Variants in EHMT1 observed in about 807,000 individuals in gnomAD.
EHMT1 encodes the protein histone-lysine N-methyltransferase EHMT1.
In EHMT1, 15 loss-of-function variants were observed where a neutral mutation model predicts 147.2. The observed-to-expected ratio is 0.10, with a 90% confidence interval of 0.07 to 0.16. The LOEUF is 0.16. Ranked by LOEUF, EHMT1 falls within the 10% of genes least tolerant of loss-of-function variation. EHMT1 has a pLI of 1.00. For synonymous variants in EHMT1, 795 were observed against 709.6 expected (o/e 1.12, Z -1.91); for missense variants, 1,587 against 1,772.4 (o/e 0.90, Z 1.88).
intron 10 of EHMT1, among the ~76,000 whole-genome samples, chr9:137,764,942 G>A (rs1353069782): frequency 6.6e-6 from 1 of 152,190 alleles, no homozygotes; most frequent in Non-Finnish European, 1.5e-5. Context: ...TAGCCTGAAA[G>A]TTAGATTCAA....
intron 13 of EHMT1, among the ~76,000 whole-genome samples, chr9:137,779,226 G>A (rs915315536): frequency 4.6e-5 from 7 of 152,252 alleles, no homozygotes; most frequent in African/African-American, 1.7e-4. Flanking sequence ...ATCTTCTGTA[G>A]TGCGAGCTGT....
chr9:137,727,586 T>C (rs1345162963), intron 3 of EHMT1, among the ~76,000 whole-genome samples: 9 of 152,258 alleles, frequency 5.9e-5, no homozygotes, highest in Non-Finnish European at 1.2e-4. Context: ...TTTTACTGTG[T>C]ATTTTACTGT....
intron 1 of EHMT1, among the ~76,000 whole-genome samples, chr9:137,647,111 G>A (rs1049989033): frequency 1.3e-5 from 2 of 152,140 alleles, no homozygotes; most frequent in African/African-American, 2.4e-5. Context: ...GTTTCCTGCC[G>A]CCTCCTTCTT....
chr9:137,724,991 CATT>C (rs1588391434), intron 3 of EHMT1, among the ~76,000 whole-genome samples: 2 of 148,462 alleles, frequency 1.3e-5, no homozygotes, highest in Admixed American at 6.7e-5. Context: ...AGACGTGTGG[CATT>C]AGTGTGGCAG....
chr9:137,719,278 G>A lies in EHMT1; in HGVS notation c.642+2096G>A, dbSNP rs190548749. 5.9e-5 allele frequency among the ~76,000 whole-genome samples: 9 copies of A among 152,202 alleles called. No homozygotes were observed. In the East Asian group the frequency reaches 1.7e-3, roughly 29 times the overall value. On this transcript the variant is annotated intron_variant, in intron 3 of 26. Coordinates refer to ENST00000460843, the MANE Select transcript of EHMT1 (RefSeq NM_024757.5). Reference sequence around the variant, plus strand: ...TGTTTCTGTCATAGTGTCTCAGCCTGACTATGAGTGCTGTGTGCGTTTTCT... The same window carrying A: ...TGTTTCTGTCATAGTGTCTCAGCCTAACTATGAGTGCTGTGTGCGTTTTCT...
rs1263487706 is a variant in EHMT1 at position 137,686,733 on chromosome 9, T to TC, written c.22-24234_22-24233insC. Among the ~76,000 whole-genome samples, 20 of 144,254 alleles carry TC rather than the reference T, an allele frequency of 1.4e-4. 1 individual carries two copies. The highest frequency in any genetic ancestry group is 4.7e-4 in the African/African-American group (18 of 37,950). 94.6% of individuals were successfully genotyped at this position (144,254 alleles called of 152,430 possible). A position where few individuals can be genotyped will look rare whatever the true frequency, so the allele number is the denominator to read the frequency against. On this transcript the variant is annotated intron_variant, in intron 1 of 26. Transcript: ENST00000460843. ...TAGGGGTCCAACCTCATTCTTTCTT[T>TC]TTTTTTTTTTTTTTTGAGATGGAGT...
intron 6 of EHMT1, chr9:137,746,352 T>G (rs1253667120): frequency 6.6e-6 from 1 of 152,178 alleles, no homozygotes; most frequent in Non-Finnish European, 1.5e-5. Context: ...TGGGCTTAAG[T>G]GAACCTTCCA....
intron 24 of EHMT1, 58 bp downstream of exon 24, chr9:137,817,583 C>T: frequency 1.2e-6 from 2 of 1,602,680 alleles, no homozygotes; most frequent in Non-Finnish European, 1.7e-6. Flanking sequence ...GGAGGCCCAT[C>T]TGTGTCTGTA....
intron 1 of EHMT1, among the ~76,000 whole-genome samples, chr9:137,708,299 G>T (rs1226151246): frequency 6.6e-6 from 1 of 152,214 alleles, no homozygotes; most frequent in Non-Finnish European, 1.5e-5. Flanking sequence ...TAGACATGTG[G>T]TTGGCAAGGG....
intron 7 of EHMT1, 93 bp from the exon 8 acceptor site, chr9:137,754,078 T>C (rs1949195370): frequency 2.5e-6 from 4 of 1,583,896 alleles, no homozygotes; most frequent in Non-Finnish European, 3.5e-6. Flanking sequence ...ACATAGCCAG[T>C]GTTCTGTTTT....
intron 15 of EHMT1, among the ~76,000 whole-genome samples, chr9:137,783,698 C>T (rs758957359): frequency 3.3e-5 from 5 of 152,118 alleles, no homozygotes; most frequent in African/African-American, 9.7e-5. Context: ...CCTGTCTTCT[C>T]GGACTGCACC....
At chr9:137,644,429 A>G (rs918954223) in intron 1 of EHMT1, among the ~76,000 whole-genome samples, 3 of 151,890 alleles carry the variant, frequency 2.0e-5, no homozygotes, top group African/African-American at 7.3e-5. Context: ...GGTTCAAGCA[A>G]TTCTCCTTCC....
chr9:137,755,247 C>CCTCCCTTCCCTG (rs1455966938), intron 8 of EHMT1, among the ~76,000 whole-genome samples: 2 of 152,202 alleles, frequency 1.3e-5, no homozygotes, highest in Non-Finnish European at 2.9e-5. Flanking sequence ...CCCTTCCCTG[C>CCTCCCTTCCCTG]CTCCCTTCCC....
intron 1 of EHMT1, among the ~76,000 whole-genome samples, chr9:137,707,770 C>T (rs562634961): frequency 1.3e-5 from 2 of 152,224 alleles, no homozygotes; most frequent in Non-Finnish European, 2.9e-5. Context: ...TGGGGTTTGG[C>T]GGGTGCCTCC....
chr9:137,665,601 C>A (rs1034402089), intron 1 of EHMT1, among the ~76,000 whole-genome samples: 1 of 152,122 alleles, frequency 6.6e-6, no homozygotes, highest in African/African-American at 2.4e-5. Flanking sequence ...GAGGGCTGGT[C>A]CCCAGATTCC....
At chr9:137,829,236 A>C (rs955592383) in intron 25 of EHMT1, among the ~76,000 whole-genome samples, 4 of 152,226 alleles carry the variant, frequency 2.6e-5, no homozygotes, top group Non-Finnish European at 4.4e-5. Flanking sequence ...TTACTTAGTT[A>C]AAAAATAGAA....
chr9:137,640,778 G>A (rs2133805372), intron 1 of EHMT1, among the ~76,000 whole-genome samples: 1 of 152,280 alleles, frequency 6.6e-6, no homozygotes, highest in African/African-American at 2.4e-5. Context: ...TGTTGAGATA[G>A]GAAGGGATAA....
At chr9:137,703,694 AT>A (rs778199838) in intron 1 of EHMT1, among the ~76,000 whole-genome samples, 47 of 152,080 alleles carry the variant, frequency 3.1e-4, no homozygotes, top group Non-Finnish European at 6.0e-4. Context: ...CACTGTCAGC[AT>A]TTTGGTCAAA....
chr9:137,737,489 A>G (rs1286708547), intron 4 of EHMT1, among the ~76,000 whole-genome samples: 2 of 152,224 alleles, frequency 1.3e-5, no homozygotes, highest in East Asian at 3.8e-4. Flanking sequence ...CTTACCTCAC[A>G]CCATATGCAG....
Sources: allele counts gnomAD v4.1 joint callset (sites outside exome capture counted in the v4.1 genomes callset), GRCh38; gene constraint gnomAD v4.1.1; transcripts MANE v1.5; gene names NCBI Gene and HGNC (gene_info 2026-07-23, HGNC 2026-07-21).